Variants in PDZD2 observed in about 807,000 individuals in gnomAD.
PDZD2 encodes PDZ domain-containing protein 2.
A neutral mutation model predicts 220.7 loss-of-function variants in PDZD2; 90 were observed. That is an observed-to-expected ratio of 0.41 (90% CI 0.34 to 0.49). The LOEUF (loss-of-function observed/expected upper bound fraction) is 0.49, where lower values mean the gene tolerates loss of function less well. PDZD2 is among the 20% of genes least tolerant of loss of function. The pLI, the probability that PDZD2 is intolerant of heterozygous loss-of-function variation, is 0.28. For missense variants in PDZD2, 3,174 were observed against 3,608.5 expected (o/e 0.88, Z 3.08); for synonymous variants, 1,375 against 1,450.5 (o/e 0.95, Z 1.18).
At chr5:31,885,577 A>G (rs1740383070) in intron 2 of PDZD2, among the ~76,000 whole-genome samples, 3 of 152,218 alleles carry the variant, frequency 2.0e-5, no homozygotes, top group Admixed American at 2.0e-4. Context: ...CTATGTGGCA[A>G]TTTCAAAGAA....
chr5:31,842,640 C>T (rs1208110443), intron 2 of PDZD2, among the ~76,000 whole-genome samples: 1 of 152,098 alleles, frequency 6.6e-6, no homozygotes, highest in Non-Finnish European at 1.5e-5. Flanking sequence ...TCATTGCTTG[C>T]GGAGTGGGTA....
intron 6 of PDZD2, among the ~76,000 whole-genome samples, chr5:32,031,024 G>A (rs1755073570): frequency 6.6e-6 from 1 of 152,078 alleles, no homozygotes. Flanking sequence ...AGCTGTCCCA[G>A]ATTATCCTTC....
intron 2 of PDZD2, among the ~76,000 whole-genome samples, chr5:31,918,321 G>A (rs1295694463): frequency 6.6e-6 from 1 of 152,202 alleles, no homozygotes; most frequent in Non-Finnish European, 1.5e-5. Context: ...ACTGAGCTGG[G>A]TGAAAGGTCA....
intron 2 of PDZD2, among the ~76,000 whole-genome samples, chr5:31,974,794 G>C (rs1749600371): frequency 6.6e-6 from 1 of 152,270 alleles, no homozygotes; most frequent in East Asian, 1.9e-4. Context: ...GCTCACACCT[G>C]TAATGCCAGC....
chr5:32,062,420 G>A (rs1386638501), intron 14 of PDZD2, among the ~76,000 whole-genome samples: 1 of 147,836 alleles, frequency 6.8e-6, no homozygotes, highest in African/African-American at 2.6e-5. Context: ...TTGAGACAGG[G>A]TCTCCCTCTG....
intron 3 of PDZD2, among the ~76,000 whole-genome samples, chr5:31,993,263 T>C (rs1278336454): frequency 6.6e-6 from 1 of 152,204 alleles, no homozygotes; most frequent in East Asian, 1.9e-4. Flanking sequence ...GGTAAGCCAG[T>C]GACTTCTGAA....
intron 2 of PDZD2, among the ~76,000 whole-genome samples, chr5:31,860,069 A>G (rs1204491109): frequency 1.3e-5 from 2 of 152,126 alleles, no homozygotes; most frequent in Non-Finnish European, 2.9e-5. Context: ...GAAATCCCCT[A>G]CACTGAGGGG....
intron 5 of PDZD2, among the ~76,000 whole-genome samples, chr5:32,008,174 G>A (rs1487463309): frequency 8.2e-6 from 1 of 121,676 alleles, no homozygotes; most frequent in East Asian, 2.3e-4. Flanking sequence ...TAAATAAATG[G>A]AGTCTTATTC....
Position 31,720,568 on chromosome 5 carries a change from G to A in PDZD2, c.-360-78321G>A, listed in dbSNP as rs1396336382. Among the ~76,000 whole-genome samples, 5 of 152,202 alleles carry A rather than the reference G, an allele frequency of 3.3e-5. No homozygotes were observed. The East Asian group carries it at 9.6e-4, about 29-fold the overall frequency. On this transcript the variant is annotated intron_variant, in intron 1 of 24. Transcript: ENST00000438447. ...TATGTGACACGGGAGCCTTCAGAAT[G>A]AAGACCCAAAGATACAGGGGAAAGT...
chr5:31,679,384 C>T (rs1746565902), intron 1 of PDZD2, among the ~76,000 whole-genome samples: 1 of 152,218 alleles, frequency 6.6e-6, no homozygotes, highest in South Asian at 2.1e-4. Context: ...GGTTGAAAGG[C>T]GTGGTCTCTG....
intron 2 of PDZD2, among the ~76,000 whole-genome samples, chr5:31,903,570 C>T (rs1370894587): frequency 6.8e-6 from 1 of 146,234 alleles, no homozygotes; most frequent in Non-Finnish European, 1.5e-5. Context: ...ATCACCTGAG[C>T]CTGAGAGATG....
intron 1 of PDZD2, chr5:31,738,775 C>G (rs954686482): frequency 4.6e-5 from 7 of 152,122 alleles, no homozygotes; most frequent in African/African-American, 1.7e-4. Context: ...CAGTTATTGC[C>G]TAAGTATCGT....
At chr5:32,075,452 CA>C (rs1342055622) in intron 18 of PDZD2, among the ~76,000 whole-genome samples, 2 of 152,094 alleles carry the variant, frequency 1.3e-5, no homozygotes, top group East Asian at 3.8e-4. Flanking sequence ...TATATTTTTC[CA>C]AATTTCTACA....
intron 2 of PDZD2, among the ~76,000 whole-genome samples, chr5:31,822,034 T>G (rs1206813144): frequency 1.3e-5 from 2 of 152,336 alleles, no homozygotes; most frequent in East Asian, 3.9e-4. Context: ...TCATCGTTTT[T>G]TATGGCTGCA....
At chr5:31,978,414 G>A (rs1483055074) in intron 2 of PDZD2, among the ~76,000 whole-genome samples, 1 of 152,102 alleles carries the variant, frequency 6.6e-6, no homozygotes, top group East Asian at 1.9e-4. Flanking sequence ...TCATGTTGAA[G>A]GTGGTTTAAA....
chr5:31,701,924 T>A (rs1196698857), intron 1 of PDZD2, among the ~76,000 whole-genome samples: 1 of 152,234 alleles, frequency 6.6e-6, no homozygotes, highest in Non-Finnish European at 1.5e-5. Flanking sequence ...CCTCCCTGCT[T>A]TCCCCTCCAC....
At position 32,091,130 on chromosome 5, in the gene PDZD2, G is replaced by C; in HGVS notation, c.7682G>C (p.Gly2561Ala). ...AETPSSASDT[G>A]EAAQDLPFRR... ...ACACCCAGTTCAGCCAGTGATACGG[G>C]TGAAGCTGCCCAGGATCTGCCTTTT... is the stretch of plus-strand genomic sequence containing the variant. Residue 2561 changes from glycine (G) to alanine (A), a missense_variant, in exon 20 of 25, where the codon GGT becomes GCT. Around this residue, in one of 4 missense-constraint regions of PDZD2, gnomAD observed 631 missense variants for 789.9 expected, o/e 0.80. Coordinates refer to ENST00000438447, the MANE Select transcript of PDZD2 (RefSeq NM_178140.4). The C allele has an allele frequency of 6.3e-7, 1 of 1,593,218 alleles. No individual in the cohort carries two copies. The highest frequency in any genetic ancestry group is 8.6e-7 in the Non-Finnish European group (1 of 1,163,436).
In PDZD2 at chr5:31,726,289, G is replaced by C. The variant is rs1281473845; in HGVS notation, c.-360-72600G>C. On this transcript the variant is annotated intron_variant, in intron 1 of 24. Coordinates refer to ENST00000438447, the MANE Select transcript of PDZD2 (RefSeq NM_178140.4). ...CACGCCTATAATCCCACCGCTTTGGGAGGCCAAGGCAGGCAGATCACCTGA... is the reference window on the plus strand; with the variant it reads ...CACGCCTATAATCCCACCGCTTTGGCAGGCCAAGGCAGGCAGATCACCTGA... 1.3e-5 allele frequency among the ~76,000 whole-genome samples: 2 copies of C among 152,230 alleles called. 1 individual carries two copies.
rs1251840861 is a variant in PDZD2 at position 31,752,068 on chromosome 5, G to GT, written c.-360-46821_-360-46820insT. Reference sequence around the variant, plus strand: ...TTTGTTTGTTTGTTTTATTGTTTTGGGTTTGTTTTTTTTTTTTTTTTTCTG... The same window carrying GT: ...TTTGTTTGTTTGTTTTATTGTTTTGGTGTTTGTTTTTTTTTTTTTTTTTCTG... On this transcript the variant is annotated intron_variant, in intron 1 of 24. Transcript: ENST00000438447. 9.1e-3 allele frequency among the ~76,000 whole-genome samples: 869 copies of GT among 95,844 alleles called. 157 individuals are homozygous for GT. Among genetic ancestry groups the GT allele is most frequent in the African/African-American group, 0.037 (807 of 21,978 alleles). The allele number at this position is 95,844 out of a possible 152,430, so 62.9% of individuals were successfully genotyped here. A position where few individuals can be genotyped will look rare whatever the true frequency, so the allele number is the denominator to read the frequency against.
Sources: gnomAD v4.1 joint callset for allele counts (sites outside exome capture counted in the v4.1 genomes callset) on GRCh38, gnomAD v4.1.1 for gene constraint, gnomAD v4.1.1 regional missense constraint, MANE v1.5 for transcripts, NCBI Gene and HGNC (gene_info 2026-07-23, HGNC 2026-07-21) for gene names.